MSTO1: variants seen among roughly 807,000 people sequenced by gnomAD.
MSTO1 encodes the protein misato mitochondrial distribution and morphology regulator 1.
A neutral mutation model predicts 55.7 loss-of-function variants in MSTO1; 24 were observed. The observed-to-expected ratio is 0.43, with a 90% CI of 0.31 to 0.61. The LOEUF is 0.61. Ranked by LOEUF, MSTO1 falls within the 20% of genes least tolerant of loss-of-function variation. MSTO1 has a pLI of 0.09. For synonymous variants in MSTO1, 162 were observed against 252.8 expected (o/e 0.64, Z 3.41); for missense variants, 363 against 625.7 (o/e 0.58, Z 4.48).
the MSTO1 span, among the ~76,000 whole-genome samples, chr1:155,573,388 TC>T: frequency 6.6e-6 from 1 of 151,806 alleles, no homozygotes; most frequent in Non-Finnish European, 1.5e-5. Flanking sequence ...CATAATGAGA[TC>T]CTTTCTCTAC....
the MSTO1 span, among the ~76,000 whole-genome samples, chr1:155,570,907 G>T: frequency 2.0e-4 from 30 of 152,162 alleles, no homozygotes; most frequent in Admixed American, 6.6e-5. Context: ...TTTCTTCATT[G>T]CAGAAGAGCT....
At chr1:155,578,336 CTTTTTTTTT>C in the MSTO1 span, among the ~76,000 whole-genome samples, 70 of 44,290 alleles carry the variant, frequency 1.6e-3, no homozygotes, top group African/African-American at 5.7e-3. Context: ...AACTACCTTT[CTTTTTTTTT>C]TTTTTTTTTT....
chr1:155,577,178 T>A, the MSTO1 span, among the ~76,000 whole-genome samples: 1 of 150,064 alleles, frequency 6.7e-6, no homozygotes. Flanking sequence ...AAGCTCCACC[T>A]CCCAGGTTCA....
At chr1:155,568,486 T>G in the MSTO1 span, among the ~76,000 whole-genome samples, 8 of 152,286 alleles carry the variant, frequency 5.3e-5, no homozygotes, top group African/African-American at 1.9e-4. Flanking sequence ...TTGCCCAGGC[T>G]GGAGTGCAGT....
the MSTO1 span, among the ~76,000 whole-genome samples, chr1:155,601,543 C>T: frequency 2.6e-5 from 4 of 152,008 alleles, no homozygotes; most frequent in Non-Finnish European, 5.9e-5. Flanking sequence ...GGAGGATCGC[C>T]TGAGCCTAGA....
the MSTO1 span, among the ~76,000 whole-genome samples, chr1:155,568,122 C>G: frequency 6.7e-6 from 1 of 149,166 alleles, no homozygotes; most frequent in African/African-American, 2.5e-5. Context: ...CTCTATTGCC[C>G]AGGCTGGAGT....
At chr1:155,599,127 G>A in the MSTO1 span, among the ~76,000 whole-genome samples, 2 of 152,010 alleles carry the variant, frequency 1.3e-5, no homozygotes, top group African/African-American at 2.4e-5. Flanking sequence ...GCAGTGAGCC[G>A]TGATCGCACC....
chr1:155,609,244 T>TATATATATATATA (rs1553289697), upstream of MSTO1, among the ~76,000 whole-genome samples: 21 of 15,058 alleles, frequency 1.4e-3, no homozygotes, highest in East Asian at 9.2e-3. Flanking sequence ...TATATATATA[T>TATATATATATATA]TTTTTTTTTT....
the MSTO1 span, among the ~76,000 whole-genome samples, chr1:155,587,799 G>A: frequency 6.6e-5 from 10 of 150,752 alleles, no homozygotes; most frequent in Admixed American, 6.6e-5. Flanking sequence ...CCATGGGATA[G>A]GATAATTAAT....
chr1:155,584,514 T>A, the MSTO1 span, among the ~76,000 whole-genome samples: 1 of 151,038 alleles, frequency 6.6e-6, no homozygotes, highest in Non-Finnish European at 1.5e-5. Context: ...AATAAAATAA[T>A]TTCTTTTTTT....
the MSTO1 span, chr1:155,590,888 CAA>C: frequency 0.019 from 31,180 of 1,612,190 alleles, 392 homozygotes; most frequent in Non-Finnish European, 0.024. Flanking sequence ...CCTGAGGTGA[CAA>C]AGACAATCCC....
chr1:155,610,034 C>T (rs1381122276), upstream of MSTO1: 8 of 582,974 alleles, frequency 1.4e-5, no homozygotes, highest in Admixed American at 2.3e-4. Context: ...CCCGTGGAGC[C>T]CCGCCCCTCA....
At chr1:155,583,626 T>G in the MSTO1 span, among the ~76,000 whole-genome samples, 1 of 152,180 alleles carries the variant, frequency 6.6e-6, no homozygotes, top group Admixed American at 6.6e-5. Flanking sequence ...GGTAGATCAT[T>G]TATTTTAATT....
the MSTO1 span, among the ~76,000 whole-genome samples, chr1:155,573,650 C>T: frequency 6.6e-6 from 1 of 151,818 alleles, no homozygotes; most frequent in African/African-American, 2.4e-5. Context: ...CCAGCCTGGC[C>T]AACATGGTGA....
upstream of MSTO1, chr1:155,609,989 C>T (rs116421560): frequency 6.6e-3 from 3,296 of 501,810 alleles, 107 homozygotes; most frequent in African/African-American, 0.061. Context: ...ACGGCGCCCA[C>T]CCCGCTCCAA....
the MSTO1 span, among the ~76,000 whole-genome samples, chr1:155,579,439 T>G: frequency 6.6e-6 from 1 of 152,198 alleles, no homozygotes; most frequent in Non-Finnish European, 1.5e-5. Context: ...TATTAAAAGC[T>G]GTGTAAAAAC....
the MSTO1 span, among the ~76,000 whole-genome samples, chr1:155,578,635 C>T: frequency 6.6e-6 from 1 of 150,562 alleles, no homozygotes; most frequent in Non-Finnish European, 1.5e-5. Context: ...CTCAGCCTCC[C>T]GAGTAGCTGG....
chr1:155,606,555 C>T (rs949883564), upstream of MSTO1, among the ~76,000 whole-genome samples: 8 of 151,470 alleles, frequency 5.3e-5, no homozygotes, highest in South Asian at 2.1e-4. Flanking sequence ...CCACCACTGC[C>T]AGCTAATTTT....
the MSTO1 span, among the ~76,000 whole-genome samples, chr1:155,589,647 T>A: frequency 6.6e-6 from 1 of 152,014 alleles, no homozygotes; most frequent in East Asian, 1.9e-4. Context: ...AAATCACTGT[T>A]GTAAGTCCAA....
Sources: gnomAD v4.1 joint callset for allele counts (sites outside exome capture counted in the v4.1 genomes callset) on GRCh38, gnomAD v4.1.1 for gene constraint, MANE v1.5 for transcripts, NCBI Gene and HGNC (gene_info 2026-07-23, HGNC 2026-07-21) for gene names.